The following ALG14 variants were observed in gnomAD, a reference collection of about 807,000 sequenced individuals.
ALG14 encodes ALG14 UDP-N-acetylglucosaminyltransferase subunit.
A neutral mutation model predicts 22.8 loss-of-function variants in ALG14; 17 were observed. The ratio of observed to expected loss-of-function variants is 0.75; its 90% CI spans 0.51 to 1.12. ALG14 has a LOEUF of 1.12. ALG14 is among the 50% of genes most tolerant of loss of function. ALG14 has a pLI of 0.00. For missense variants in ALG14, 288 were observed against 271.8 expected (o/e 1.06, Z -0.42); for synonymous variants, 89 against 103.7 (o/e 0.86, Z 0.86).
intron 3 of ALG14, among the ~76,000 whole-genome samples, chr1:94,986,930 G>C (rs58810066): frequency 1.3e-5 from 2 of 152,038 alleles, no homozygotes; most frequent in Non-Finnish European, 2.9e-5. Flanking sequence ...TCAGAGCATC[G>C]AATTCCCCTG....
intron 3 of ALG14, among the ~76,000 whole-genome samples, chr1:94,984,367 A>G (rs12123807): frequency 0.046 from 7,018 of 152,198 alleles, 199 homozygotes; most frequent in Middle Eastern, 0.089. Context: ...CCACCCCAGC[A>G]TTTCAAGGAC....
chr1:95,008,725 G>T (rs1175508966), intron 3 of ALG14, among the ~76,000 whole-genome samples: 1 of 151,978 alleles, frequency 6.6e-6, no homozygotes, highest in African/African-American at 2.4e-5. Flanking sequence ...ATTCAGTGAT[G>T]GTAAGCACAT....
rs1052788231 is a variant in ALG14, at chr1:94,976,037, A to AG, written c.*7038_*7039insC. The AG allele has an allele frequency of 2.0e-5, 3 of 151,420 alleles. No homozygotes were observed. The highest frequency in any genetic ancestry group is 4.9e-5 in the African/African-American group (2 of 40,994). The allele number at this position is 151,420 out of a possible 1,614,324, so 9.4% of individuals were successfully genotyped here. On this transcript the variant is annotated 3_prime_UTR_variant, in exon 4 of 4. Coordinates refer to ENST00000370205, the MANE Select transcript of ALG14 (RefSeq NM_144988.4). ...GTCTCAAAAAAAAAAAAAAAAAAAA[A>AG]AAAGAAAGAAGAGCCTCCTTAACAC...
At position 94,983,225 on chromosome 1, in the gene ALG14, T is replaced by C. The variant is rs1485103689; in HGVS notation, c.502A>G (p.Ile168Val). Residue 168 changes from isoleucine (I) to valine (V), a missense_variant, in exon 4 of 4, where the codon ATC (isoleucine) becomes GTC (valine). By Grantham distance (29) the Ile-to-Val change is conservative. Coordinates refer to ENST00000370205, the MANE Select transcript of ALG14 (RefSeq NM_144988.4). Reference protein sequence around the residue: ...LLGILGIKKVIIVYVESICRV... With the variant: ...LLGILGIKKVVIVYVESICRV... The stretch of plus-strand genomic sequence containing the variant: ...CAGATGCTTTCAACGTAGACAATGA[T>C]CACTTTCTTTATTCCTAGTATCCCA... 1.9e-6 allele frequency: 3 copies of C among 1,614,040 alleles called. No individual in the cohort carries two copies. Among genetic ancestry groups the C allele is most frequent in the Non-Finnish European group, 2.5e-6 (3 of 1,180,044 alleles).
Position 95,064,457 on chromosome 1 carries a change from C to A in ALG14, c.288+409G>T, listed in dbSNP as rs542202652. ...CTTATTATTTTGAGGTATGTTCCTT[C>A]AATACCTAGATTATTGACAGTTTTT... On this transcript the variant is annotated intron_variant, in intron 2 of 3. Transcript: ENST00000370205. 3.3e-5 allele frequency among the ~76,000 whole-genome samples: 5 copies of A among 152,260 alleles called. No individual in the cohort carries two copies. In the South Asian group the frequency reaches 1.0e-3, roughly 32 times the overall value.
At chr1:95,069,474 A>G (rs1464977529) in intron 1 of ALG14, among the ~76,000 whole-genome samples, 5 of 152,188 alleles carry the variant, frequency 3.3e-5, no homozygotes, top group Non-Finnish European at 7.3e-5. Context: ...CTCATGTAAC[A>G]TGGCTTTTTC....
At chr1:95,005,448 G>C (rs1312937321) in intron 3 of ALG14, among the ~76,000 whole-genome samples, 1 of 146,724 alleles carries the variant, frequency 6.8e-6, no homozygotes, top group Non-Finnish European at 1.5e-5. Context: ...GGCAGTGAGA[G>C]AGAAGAATCC....
intron 3 of ALG14, among the ~76,000 whole-genome samples, chr1:95,006,717 G>A (rs191401722): frequency 1.2e-4 from 19 of 152,210 alleles, no homozygotes; most frequent in Admixed American, 5.2e-4. Flanking sequence ...GTATCTTCCC[G>A]ACAAAGGTCT....
At position 94,977,084 on chromosome 1, in the gene ALG14, C is replaced by G. The variant is rs1421061808; in HGVS notation, c.*5992G>C. ...ATCTTGAGCAGAAAACCTTCTTTGC[C>G]TGGATTTCTAACCTACAGAGATAAT... On this transcript the variant is annotated 3_prime_UTR_variant, in exon 4 of 4. Coordinates refer to ENST00000370205, the MANE Select transcript of ALG14 (RefSeq NM_144988.4). 6.6e-6 allele frequency: 1 copy of G among 152,210 alleles called. No homozygotes were observed. Among genetic ancestry groups the G allele is most frequent in the Non-Finnish European group, 1.5e-5 (1 of 68,050 alleles). 9.4% of individuals were successfully genotyped at this position (152,210 alleles called of 1,614,324 possible). A position where few individuals can be genotyped will look rare whatever the true frequency, so the allele number is the denominator to read the frequency against.
rs1304994059 is a variant in ALG14, at chr1:94,974,477, A to C, written c.*8599T>G. 2.6e-5 allele frequency: 4 copies of C among 152,228 alleles called. No individual in the cohort carries two copies. The highest frequency in any genetic ancestry group is 2.0e-4 in the Admixed American group (3 of 15,280). The allele number at this position is 152,228 out of a possible 1,614,324, so 9.4% of individuals were successfully genotyped here. A position where few individuals can be genotyped will look rare whatever the true frequency, so the allele number is the denominator to read the frequency against. On this transcript the variant is annotated 3_prime_UTR_variant, in exon 4 of 4. Coordinates refer to ENST00000370205, the MANE Select transcript of ALG14 (RefSeq NM_144988.4). ...ATACAGGAAAGGAAAAGAGATTAGG[A>C]ATCAAGTCCAACCATGTGCTTATTC...
intron 3 of ALG14, among the ~76,000 whole-genome samples, chr1:94,999,023 A>G (rs1672982091): frequency 6.6e-6 from 1 of 152,302 alleles, no homozygotes; most frequent in East Asian, 1.9e-4. Context: ...TTAATATCAC[A>G]AAATCTCTCA....
chr1:95,072,929 G>T lies in ALG14; in HGVS notation c.-31C>A, dbSNP rs751939388. On this transcript the variant is annotated 5_prime_UTR_variant, in exon 1 of 4. Coordinates refer to ENST00000370205, the MANE Select transcript of ALG14 (RefSeq NM_144988.4). ...GAAACGGCGCATGCGTCCAACTTCC[G>T]GGGACCAGCCGCTGTCAAAGTTCAC... 1.2e-6 allele frequency: 2 copies of T among 1,612,082 alleles called. No homozygotes were observed. The highest frequency in any genetic ancestry group is 1.3e-5 in the African/African-American group (1 of 74,826).
At chr1:95,056,894 T>TA (rs1282185190) in intron 2 of ALG14, among the ~76,000 whole-genome samples, 4 of 151,172 alleles carry the variant, frequency 2.6e-5, no homozygotes, top group Non-Finnish European at 4.4e-5. Context: ...CTGTCTCTAC[T>TA]AAAAATACAA....
rs190815648 is a variant in ALG14 at position 94,991,747 on chromosome 1, T to C, written c.421-8441A>G. 9.2e-5 allele frequency among the ~76,000 whole-genome samples: 14 copies of C among 152,364 alleles called. No homozygotes were observed. The East Asian group carries it at 2.7e-3, about 29-fold the overall frequency. ...TAAATTAACTTTAGCTTACTGTAACTTTTTTTACTTTATAAACTTTTAAAT... is the reference window on the plus strand; with the variant it reads ...TAAATTAACTTTAGCTTACTGTAACCTTTTTTACTTTATAAACTTTTAAAT... On this transcript the variant is annotated intron_variant, in intron 3 of 3. Coordinates refer to ENST00000370205, the MANE Select transcript of ALG14 (RefSeq NM_144988.4).
At chr1:95,035,381 A>T (rs1674151593) in intron 2 of ALG14, among the ~76,000 whole-genome samples, 1 of 152,232 alleles carries the variant, frequency 6.6e-6, no homozygotes, top group Admixed American at 6.5e-5. Flanking sequence ...ACAGTGAAAC[A>T]ACCTTTCCAT....
At chr1:95,071,276 G>A (rs1391184726) in intron 1 of ALG14, among the ~76,000 whole-genome samples, 6 of 152,154 alleles carry the variant, frequency 3.9e-5, no homozygotes, top group Non-Finnish European at 7.3e-5. Context: ...GGCCAGGGGT[G>A]GCTCACGTCT....
intron 3 of ALG14, among the ~76,000 whole-genome samples, chr1:94,989,347 C>CT (rs879742677): frequency 2.6e-5 from 4 of 151,590 alleles, no homozygotes; most frequent in South Asian, 4.2e-4. Flanking sequence ...ACCATGTGGT[C>CT]TTTTTTTTTC....
intron 3 of ALG14, among the ~76,000 whole-genome samples, chr1:95,013,478 C>T (rs1490496361): frequency 6.6e-6 from 1 of 152,034 alleles, no homozygotes; most frequent in African/African-American, 2.4e-5. Flanking sequence ...AACCACCACG[C>T]CCAGCTAATT....
chr1:95,028,223 CT>C (rs1673884765), intron 2 of ALG14, among the ~76,000 whole-genome samples: 1 of 152,142 alleles, frequency 6.6e-6, no homozygotes, highest in Non-Finnish European at 1.5e-5. Flanking sequence ...TCACAGCTCA[CT>C]GCAGCCTTGA....
Sources: allele counts gnomAD v4.1 joint callset (sites outside exome capture counted in the v4.1 genomes callset), GRCh38; gene constraint gnomAD v4.1.1; transcripts MANE v1.5; gene names NCBI Gene and HGNC (gene_info 2026-07-23, HGNC 2026-07-21).